Variants in DYNC1I1 observed in about 807,000 individuals in gnomAD.
DYNC1I1 encodes the protein dynein cytoplasmic 1 intermediate chain 1, also known as cytoplasmic dynein 1 intermediate chain 1.
In DYNC1I1, 43 loss-of-function variants were observed where a neutral mutation model predicts 86.6. The ratio of observed to expected loss-of-function variants is 0.50; its 90% CI spans 0.39 to 0.64. The LOEUF (loss-of-function observed/expected upper bound fraction) is 0.64, where lower values mean the gene tolerates loss of function less well. Among genes scored for constraint, DYNC1I1 ranks in the 30% least tolerant of loss-of-function variants. The probability of loss-of-function intolerance (pLI) is 0.00; values close to 1 mark genes in which losing one functional copy is unlikely to be tolerated. For missense variants in DYNC1I1, 604 were observed against 788.8 expected (o/e 0.77, Z 2.81); for synonymous variants, 262 against 283.7 (o/e 0.92, Z 0.77).
chr7:95,928,779 T>C (rs1359966160), intron 6 of DYNC1I1, among the ~76,000 whole-genome samples: 1 of 152,184 alleles, frequency 6.6e-6, no homozygotes, highest in African/African-American at 2.4e-5. Flanking sequence ...AGCCTCAGTT[T>C]TGGCATCCAC....
intron 14 of DYNC1I1, among the ~76,000 whole-genome samples, chr7:96,068,266 G>A (rs1790053919): frequency 6.6e-6 from 1 of 152,120 alleles, no homozygotes; most frequent in Non-Finnish European, 1.5e-5. Context: ...TACAAAGCAG[G>A]AAGCATATTA....
intron 14 of DYNC1I1, among the ~76,000 whole-genome samples, chr7:96,062,895 G>T (rs1053871711): frequency 1.3e-5 from 2 of 152,112 alleles, no homozygotes; most frequent in Admixed American, 6.5e-5. Flanking sequence ...TGACTGGATT[G>T]AACTGAATTA....
chr7:96,080,282 C>A (rs1406515420), intron 15 of DYNC1I1, 81 bp from the exon 16 acceptor site: 2 of 1,485,580 alleles, frequency 1.3e-6, no homozygotes, highest in Non-Finnish European at 1.8e-6. Flanking sequence ...GTGACTCATC[C>A]AGTTAAACGT....
intron 10 of DYNC1I1, among the ~76,000 whole-genome samples, chr7:96,019,897 A>G (rs1444572000): frequency 6.6e-6 from 1 of 152,082 alleles, no homozygotes; most frequent in African/African-American, 2.4e-5. Flanking sequence ...AGTAATTTCT[A>G]ATTCTATATG....
At chr7:95,828,238 G>T (rs1303167225) in intron 5 of DYNC1I1, 122 bp downstream of exon 5, 18 of 1,038,446 alleles carry the variant, frequency 1.7e-5, no homozygotes, top group Non-Finnish European at 2.5e-5. Context: ...TGATAAGTTC[G>T]TTTCCTTCTG....
chr7:95,852,842 G>A (rs1789617256), intron 5 of DYNC1I1, among the ~76,000 whole-genome samples: 1 of 152,080 alleles, frequency 6.6e-6, no homozygotes, highest in Admixed American at 6.6e-5. Flanking sequence ...TTAACTTTGA[G>A]CTTCATTTGT....
intron 14 of DYNC1I1, among the ~76,000 whole-genome samples, chr7:96,071,333 A>T (rs1409659739): frequency 6.6e-6 from 1 of 152,212 alleles, no homozygotes; most frequent in African/African-American, 2.4e-5. Context: ...GTAATAAAGC[A>T]GTTGTAGAAT....
At chr7:95,994,149 A>G (rs940163586) in intron 9 of DYNC1I1, among the ~76,000 whole-genome samples, 3 of 152,162 alleles carry the variant, frequency 2.0e-5, no homozygotes, top group African/African-American at 7.2e-5. Flanking sequence ...TTGACAACAA[A>G]GGATGATATA....
At chr7:95,817,650 G>A (rs1240753693) in intron 4 of DYNC1I1, among the ~76,000 whole-genome samples, 4 of 152,126 alleles carry the variant, frequency 2.6e-5, no homozygotes, top group East Asian at 3.8e-4. Context: ...AGCATTGCCT[G>A]TATCTTTATC....
intron 10 of DYNC1I1, among the ~76,000 whole-genome samples, chr7:95,998,315 A>T (rs1329891414): frequency 2.6e-5 from 4 of 152,256 alleles, no homozygotes; most frequent in South Asian, 4.1e-4. Flanking sequence ...ATGGGACTTG[A>T]TAGCAAAGGC....
At chr7:95,816,078 T>C (rs988640968) in intron 4 of DYNC1I1, among the ~76,000 whole-genome samples, 1 of 151,830 alleles carries the variant, frequency 6.6e-6, no homozygotes, top group Non-Finnish European at 1.5e-5. Flanking sequence ...AGTACAGTGG[T>C]GCAATTATAG....
intron 4 of DYNC1I1, 109 bp downstream of exon 4, chr7:95,813,446 G>T: frequency 7.5e-7 from 1 of 1,324,732 alleles, no homozygotes; most frequent in Non-Finnish European, 1.0e-6. Flanking sequence ...ATCTGCATGT[G>T]TACTTGGACA....
At chr7:96,026,015 G>A (rs1238093398) in intron 10 of DYNC1I1, among the ~76,000 whole-genome samples, 1 of 152,090 alleles carries the variant, frequency 6.6e-6, no homozygotes, top group Non-Finnish European at 1.5e-5. Context: ...TTAAAAAAAA[G>A]TTTCCAACGT....
chr7:96,083,001 C>G (rs1790569490), intron 16 of DYNC1I1, among the ~76,000 whole-genome samples: 1 of 152,074 alleles, frequency 6.6e-6, no homozygotes, highest in African/African-American at 2.4e-5. Flanking sequence ...CGCCTATTGT[C>G]TGGAGTCTAG....
rs1283817635 is a variant in DYNC1I1 at position 95,955,091 on chromosome 7, T to C, written c.491-22421T>C. ...GAAGCAAATAAATCAAGAGTAAGCCTTTACAAATTTTTATAGGGATTTAAC... is the reference window on the plus strand; with the variant it reads ...GAAGCAAATAAATCAAGAGTAAGCCCTTACAAATTTTTATAGGGATTTAAC... On this transcript the variant is annotated intron_variant, in intron 6 of 16. Transcript: ENST00000447467. 2.6e-5 allele frequency among the ~76,000 whole-genome samples: 4 copies of C among 152,092 alleles called. No individual in the cohort carries two copies. In the East Asian group the frequency reaches 7.7e-4, roughly 29 times the overall value.
intron 1 of DYNC1I1, among the ~76,000 whole-genome samples, chr7:95,775,889 A>G (rs1793827699): frequency 6.6e-6 from 1 of 152,214 alleles, no homozygotes; most frequent in Admixed American, 6.5e-5. Context: ...GTTAACTCAA[A>G]TTAATTCAAC....
In DYNC1I1 at chr7:95,990,324, T is replaced by C. The variant is rs114554415; in HGVS notation, c.843+3169T>C. Among the ~76,000 whole-genome samples, 614 of 152,296 alleles carry C rather than the reference T, an allele frequency of 4.0e-3. 2 individuals are homozygous for C. Among genetic ancestry groups the C allele is most frequent in the African/African-American group, 0.014 (578 of 41,560 alleles). On this transcript the variant is annotated intron_variant, in intron 9 of 16. Transcript: ENST00000447467. ...ACCATGTATACTCACTCCTCTCACA[T>C]GTACATTGCATCTTCCACTCCTGCA...
chr7:96,091,561 T>A (rs1444950092), intron 16 of DYNC1I1, among the ~76,000 whole-genome samples: 2 of 152,062 alleles, frequency 1.3e-5, no homozygotes, highest in African/African-American at 4.8e-5. Context: ...TGCAAGATTT[T>A]AAAAAAAGAA....
At chr7:95,970,828 T>C (rs1793149028) in intron 6 of DYNC1I1, among the ~76,000 whole-genome samples, 1 of 152,212 alleles carries the variant, frequency 6.6e-6, no homozygotes, top group Non-Finnish European at 1.5e-5. Context: ...GATGTGTTAT[T>C]GTAGAGATAT....
Sources: gnomAD v4.1 joint callset for allele counts (sites outside exome capture counted in the v4.1 genomes callset) on GRCh38, gnomAD v4.1.1 for gene constraint, MANE v1.5 for transcripts, NCBI Gene and HGNC (gene_info 2026-07-23, HGNC 2026-07-21) for gene names.